The following ADGRB3 variants were observed in gnomAD, a reference collection of about 807,000 sequenced individuals.
ADGRB3 encodes brain-specific angiogenesis inhibitor 3.
Under a neutral mutation model 193.4 loss-of-function variants are expected in ADGRB3, and 37 were observed. The observed-to-expected ratio is 0.19, with a 90% CI of 0.15 to 0.25. The LOEUF (loss-of-function observed/expected upper bound fraction) is 0.25. Among genes scored for constraint, ADGRB3 ranks in the 10% least tolerant of loss-of-function variants. ADGRB3 has a pLI of 1.00. For synonymous variants in ADGRB3, 690 were observed against 644.2 expected (o/e 1.07, Z -1.08); for missense variants, 1,637 against 1,852.9 (o/e 0.88, Z 2.14).
intron 3 of ADGRB3, among the ~76,000 whole-genome samples, chr6:68,890,672 G>A (rs1228962358): frequency 3.3e-5 from 5 of 152,128 alleles, no homozygotes; most frequent in African/African-American, 1.2e-4. Context: ...ATGCAGGGTG[G>A]ATAGTTGTAA....
intron 17 of ADGRB3, among the ~76,000 whole-genome samples, chr6:69,179,642 C>CT (rs1775528030): frequency 6.6e-6 from 1 of 151,974 alleles, no homozygotes; most frequent in Non-Finnish European, 1.5e-5. Flanking sequence ...TGTGGTAGCA[C>CT]TTTTTTTTCT....
chr6:68,713,963 T>A lies in ADGRB3; in HGVS notation c.757+74531T>A, dbSNP rs1296664870. 3.3e-5 allele frequency among the ~76,000 whole-genome samples: 5 copies of A among 151,724 alleles called. No homozygotes were observed. In the East Asian group the frequency reaches 9.7e-4, roughly 29 times the overall value. Reference sequence around the variant, plus strand: ...ATAATTGTTTATACATTATATATTATGCATTAAAATTATATATGGCATTTT... The same window carrying A: ...ATAATTGTTTATACATTATATATTAAGCATTAAAATTATATATGGCATTTT... On this transcript the variant is annotated intron_variant, in intron 3 of 31. Transcript: ENST00000370598.
chr6:68,977,986 G>A (rs1251844862), intron 10 of ADGRB3, among the ~76,000 whole-genome samples: 3 of 151,480 alleles, frequency 2.0e-5, no homozygotes, highest in Non-Finnish European at 3.0e-5. Context: ...GCTGGGAGCA[G>A]TATTTTCTGC....
chr6:69,203,798 A>T (rs765351483), intron 17 of ADGRB3, among the ~76,000 whole-genome samples: 1 of 152,152 alleles, frequency 6.6e-6, no homozygotes, highest in African/African-American at 2.4e-5. Context: ...TTTGAATCTC[A>T]TGGTTTAATT....
At chr6:69,033,524 C>A (rs1770775552) in intron 13 of ADGRB3, among the ~76,000 whole-genome samples, 1 of 152,056 alleles carries the variant, frequency 6.6e-6, no homozygotes, top group African/African-American at 2.4e-5. Context: ...TATTTTCATT[C>A]TTTTGCAATG....
At chr6:69,134,603 G>C (rs1421678977) in intron 17 of ADGRB3, among the ~76,000 whole-genome samples, 1 of 151,932 alleles carries the variant, frequency 6.6e-6, no homozygotes, top group African/African-American at 2.4e-5. Context: ...AAATTGAAAG[G>C]ATGGTTTCTG....
At chr6:68,704,108 A>G (rs914021101) in intron 3 of ADGRB3, among the ~76,000 whole-genome samples, 11 of 152,236 alleles carry the variant, frequency 7.2e-5, no homozygotes, top group Non-Finnish European at 8.8e-5. Flanking sequence ...ACATTTTGAC[A>G]TTTTAAACAT....
intron 20 of ADGRB3, among the ~76,000 whole-genome samples, chr6:69,242,493 T>C (rs1469414531): frequency 6.6e-6 from 1 of 151,918 alleles, no homozygotes; most frequent in Non-Finnish European, 1.5e-5. Context: ...CTGATGTTGA[T>C]GTACAGAATA....
intron 3 of ADGRB3, among the ~76,000 whole-genome samples, chr6:68,753,968 G>C (rs1343462769): frequency 1.3e-5 from 2 of 152,098 alleles, no homozygotes; most frequent in Admixed American, 6.6e-5. Flanking sequence ...ATCTGGAAAG[G>C]CTGTACTATC....
intron 20 of ADGRB3, among the ~76,000 whole-genome samples, chr6:69,311,273 A>T (rs1310921530): frequency 6.6e-6 from 1 of 151,780 alleles, no homozygotes; most frequent in Non-Finnish European, 1.5e-5. Flanking sequence ...ATAAAATGGG[A>T]TGGTGCATTC....
At chr6:69,196,533 G>A (rs1031584924) in intron 17 of ADGRB3, among the ~76,000 whole-genome samples, 2 of 152,060 alleles carry the variant, frequency 1.3e-5, no homozygotes, top group Non-Finnish European at 2.9e-5. Context: ...CTCTGCAAAT[G>A]CATCCCAAAT....
chr6:68,755,847 A>G (rs1038585953), intron 3 of ADGRB3, among the ~76,000 whole-genome samples: 2 of 152,262 alleles, frequency 1.3e-5, no homozygotes, highest in South Asian at 4.2e-4. Context: ...TGCACCTAAG[A>G]CTTCATGTTT....
At chr6:69,252,925 A>C (rs1015945044) in intron 20 of ADGRB3, among the ~76,000 whole-genome samples, 6 of 152,002 alleles carry the variant, frequency 3.9e-5, no homozygotes, top group Non-Finnish European at 7.4e-5. Flanking sequence ...TTGTCATCTT[A>C]GCTTTTATGT....
At chr6:68,878,311 A>G (rs1765645659) in intron 3 of ADGRB3, among the ~76,000 whole-genome samples, 1 of 152,130 alleles carries the variant, frequency 6.6e-6, no homozygotes, top group East Asian at 1.9e-4. Flanking sequence ...AACCATGTTT[A>G]TATATAGCTG....
chr6:69,069,030 A>G (rs1771994058), intron 16 of ADGRB3, among the ~76,000 whole-genome samples: 1 of 152,176 alleles, frequency 6.6e-6, no homozygotes, highest in Admixed American at 6.5e-5. Flanking sequence ...TTCCTAACAA[A>G]TAAGAGTACA....
At chr6:69,324,323 G>A (rs1461183551) in intron 20 of ADGRB3, among the ~76,000 whole-genome samples, 1 of 152,092 alleles carries the variant, frequency 6.6e-6, no homozygotes, top group African/African-American at 2.4e-5. Flanking sequence ...TTTGTACTAT[G>A]TTATTAGCCA....
chr6:69,239,475 A>T (rs1335406159), intron 20 of ADGRB3, among the ~76,000 whole-genome samples: 1 of 152,044 alleles, frequency 6.6e-6, no homozygotes, highest in Non-Finnish European at 1.5e-5. Context: ...ATTAAACATT[A>T]TATCAAAGCT....
At chr6:68,807,030 G>T (rs888189567) in intron 3 of ADGRB3, among the ~76,000 whole-genome samples, 4 of 152,042 alleles carry the variant, frequency 2.6e-5, no homozygotes, top group African/African-American at 9.7e-5. Flanking sequence ...CAACAGCAAT[G>T]ATGTAACACA....
chr6:69,349,297 A>G (rs1192009255), intron 26 of ADGRB3, among the ~76,000 whole-genome samples: 1 of 152,222 alleles, frequency 6.6e-6, no homozygotes. Flanking sequence ...ACCTCCTCAA[A>G]CTGATATAAA....
Sources: allele counts gnomAD v4.1 joint callset (sites outside exome capture counted in the v4.1 genomes callset), GRCh38; gene constraint gnomAD v4.1.1; transcripts MANE v1.5; gene names NCBI Gene and HGNC (gene_info 2026-07-23, HGNC 2026-07-21).